Variants in SVEP1 observed in about 807,000 individuals in gnomAD.
The protein encoded by SVEP1 is sushi, von Willebrand factor type A, EGF and pentraxin domain-containing protein 1.
Under a neutral mutation model 367.3 loss-of-function variants are expected in SVEP1, and 164 were observed. The ratio of observed to expected loss-of-function variants is 0.45; its 90% CI spans 0.39 to 0.51. SVEP1 has a LOEUF of 0.51. SVEP1 is among the 20% of genes least tolerant of loss of function. SVEP1 has a pLI of 0.00. For synonymous variants in SVEP1, 1,666 were observed against 1,611.6 expected (o/e 1.03, Z -0.81); for missense variants, 4,117 against 4,425.3 (o/e 0.93, Z 1.98).
intron 5 of SVEP1, among the ~76,000 whole-genome samples, chr9:110,511,824 T>A (rs1829721336): frequency 6.6e-6 from 1 of 152,132 alleles, no homozygotes; most frequent in African/African-American, 2.4e-5. Flanking sequence ...TTCTCCCTTA[T>A]GGATATGGAT....
chr9:110,478,149 C>G (rs893882844), intron 13 of SVEP1, among the ~76,000 whole-genome samples: 2 of 152,210 alleles, frequency 1.3e-5, no homozygotes, highest in Non-Finnish European at 2.9e-5. Flanking sequence ...CTGCCTGGAA[C>G]GCTCTTCCCC....
chr9:110,455,605 G>A lies in SVEP1; in HGVS notation c.3772C>T (p.Pro1258Ser). Residue 1258 changes from proline (P) to serine (S), a missense_variant, in exon 22 of 48, where the codon CCA (proline) becomes TCA (serine). Pro to Ser is a moderately conservative substitution (Grantham distance 74). Transcript: ENST00000374469. ...DLVGEFICEC[P>S]SGYTGQRCEE... ...TTCCCCTTACCTGTGTAACCTGATG[G>A]GCACTCACAAATGAATTCCCCAACT... The A allele has an allele frequency of 6.2e-7, 1 of 1,613,114 alleles. No individual in the cohort carries two copies. The highest frequency in any genetic ancestry group is 8.5e-7 in the Non-Finnish European group (1 of 1,179,474).
At chr9:110,366,592 T>C in intron 47 of SVEP1, 32 bp from the exon 48 acceptor site, 1 of 1,511,376 alleles carries the variant, frequency 6.6e-7, no homozygotes, top group Non-Finnish European at 8.8e-7. Context: ...ACCAAATAGA[T>C]TCAAAAGAAA....
In SVEP1 at chr9:110,479,703, C is replaced by A. The variant is rs1441820428; in HGVS notation, c.2419G>T (p.Ala807Ser). ...ATCAGATCTGTGTCATCACAACGAG[C>A]TGCTTTGTAGAACATCTCAAAGGAC... is the stretch of plus-strand genomic sequence containing the variant. ...FKSFEMFYKA[A>S]RCDDTDLMKK... The change falls in exon 13 of 48, where the codon GCT becomes TCT. Residue 807 changes from alanine to serine, a missense_variant. This residue lies in a region of SVEP1 where 2,174 missense variants were observed against 2,494.3 expected (regional missense o/e 0.87). Transcript: ENST00000374469. 2 of 1,611,026 alleles carry A rather than the reference C, an allele frequency of 1.2e-6. No homozygotes were observed.
In SVEP1 at chr9:110,451,385, T is replaced by G; in HGVS notation, c.3805A>C (p.Asn1269His). The G allele has an allele frequency of 6.2e-7, 1 of 1,613,388 alleles. No homozygotes were observed. Among genetic ancestry groups the G allele is most frequent in the Non-Finnish European group, 8.5e-7 (1 of 1,179,540 alleles). ...SGYTGQRCEE[N>H]INECSSSPCL... Reference sequence around the variant, plus strand: ...GGACTGGAGCTACACTCATTTATATTTTCTTCACACCGCTGACCTGCAAAG... The same window carrying G: ...GGACTGGAGCTACACTCATTTATATGTTCTTCACACCGCTGACCTGCAAAG... Residue 1269 changes from asparagine to histidine, a missense_variant, in exon 23 of 48, where the codon AAT becomes CAT. Transcript: ENST00000374469.
At chr9:110,534,638 C>T (rs937837872) in intron 3 of SVEP1, among the ~76,000 whole-genome samples, 1 of 152,128 alleles carries the variant, frequency 6.6e-6, no homozygotes, top group Non-Finnish European at 1.5e-5. Flanking sequence ...TTTACATTTC[C>T]ACCCACAGTG....
At chr9:110,433,116 G>A (rs1828376689) in intron 30 of SVEP1, among the ~76,000 whole-genome samples, 1 of 152,164 alleles carries the variant, frequency 6.6e-6, no homozygotes, top group South Asian at 2.1e-4. Context: ...TCTGCCATGA[G>A]TAAAATCTCC....
At chr9:110,398,548 A>C (rs1827805973) in intron 40 of SVEP1, among the ~76,000 whole-genome samples, 3 of 150,454 alleles carry the variant, frequency 2.0e-5, no homozygotes, top group Admixed American at 6.7e-5. Flanking sequence ...CATTAGAGTG[A>C]ACAGGCAACC....
chr9:110,428,429 C>CACACACACA (rs60798857), intron 35 of SVEP1, among the ~76,000 whole-genome samples: 2 of 151,108 alleles, frequency 1.3e-5, no homozygotes, highest in Non-Finnish European at 3.0e-5. Flanking sequence ...CACACACACA[C>CACACACACA]CATTAATCTC....
In SVEP1 at chr9:110,407,507, A is replaced by C. The variant is rs377400709; in HGVS notation, c.8093T>G (p.Ile2698Ser). The change falls in exon 38 of 48, where the codon ATC becomes AGC. Residue 2698 changes from isoleucine to serine, a missense_variant. Ile to Ser is a moderately radical substitution (Grantham distance 142). Coordinates refer to ENST00000374469, the MANE Select transcript of SVEP1 (RefSeq NM_153366.4). ...GYELLGNPVLICQEDGTWNGS... is the reference protein window; with the variant it reads ...GYELLGNPVLSCQEDGTWNGS... ...ATTCCAAGTTCCATCTTCCTGGCAG[A>C]TCAGCACAGGGTTCCCCAGAAGTTC... 9 of 1,613,878 alleles carry C rather than the reference A, an allele frequency of 5.6e-6. No individual in the cohort carries two copies. In the Admixed American group the frequency reaches 1.3e-4, roughly 24 times the overall value.
At chr9:110,413,859 C>T (rs1489997969) in intron 36 of SVEP1, among the ~76,000 whole-genome samples, 1 of 151,932 alleles carries the variant, frequency 6.6e-6, no homozygotes, top group Non-Finnish European at 1.5e-5. Flanking sequence ...CATTTTGCTA[C>T]TAATGAAGGG....
chr9:110,504,951 G>T (rs1042759086), intron 5 of SVEP1, among the ~76,000 whole-genome samples: 6 of 152,122 alleles, frequency 3.9e-5, no homozygotes, highest in African/African-American at 1.4e-4. Flanking sequence ...AAGTGAGCAG[G>T]CACAACTTGT....
chr9:110,508,487 T>A (rs913229114), intron 5 of SVEP1, among the ~76,000 whole-genome samples: 1 of 151,590 alleles, frequency 6.6e-6, no homozygotes, highest in Non-Finnish European at 1.5e-5. Flanking sequence ...TCTGGCCGGG[T>A]GCGGTGGCTC....
chr9:110,401,068 A>G, intron 39 of SVEP1, 59 bp from the exon 40 acceptor site: 1 of 1,581,634 alleles, frequency 6.3e-7, no homozygotes, highest in Non-Finnish European at 8.6e-7. Context: ...ATGAATGAAG[A>G]AATTTGCAAA....
intron 1 of SVEP1, among the ~76,000 whole-genome samples, 192 bp from the exon 2 acceptor site, chr9:110,550,296 A>G (rs1830268115): frequency 6.6e-6 from 1 of 152,202 alleles, no homozygotes; most frequent in African/African-American, 2.4e-5. Flanking sequence ...GAGCCACAAT[A>G]AACCTCAAAA....
At chr9:110,578,376 TCCTC>T (rs1830650708) in intron 1 of SVEP1, among the ~76,000 whole-genome samples, 1 of 151,898 alleles carries the variant, frequency 6.6e-6, no homozygotes, top group Non-Finnish European at 1.5e-5. Flanking sequence ...GGTTTTTTTT[TCCTC>T]TCCCTACTTT....
intron 3 of SVEP1, among the ~76,000 whole-genome samples, chr9:110,520,245 G>A (rs1783899869): frequency 6.6e-6 from 1 of 151,970 alleles, no homozygotes; most frequent in African/African-American, 2.4e-5. Context: ...TAGTGGGAGA[G>A]GTGTAATCAA....
chr9:110,497,857 C>T (rs1829474643), intron 7 of SVEP1, among the ~76,000 whole-genome samples: 1 of 152,140 alleles, frequency 6.6e-6, no homozygotes, highest in South Asian at 2.1e-4. Flanking sequence ...TTGTGTCTCA[C>T]GTCTTCTTGT....
At chr9:110,498,817 T>C (rs750564131) in intron 7 of SVEP1, among the ~76,000 whole-genome samples, 1 of 152,156 alleles carries the variant, frequency 6.6e-6, no homozygotes, top group Admixed American at 6.6e-5. Flanking sequence ...GCTCTACTAT[T>C]TTCCTTATTT....
Sources: gnomAD v4.1 joint callset for allele counts (sites outside exome capture counted in the v4.1 genomes callset) on GRCh38, gnomAD v4.1.1 for gene constraint, gnomAD v4.1.1 regional missense constraint, MANE v1.5 for transcripts, NCBI Gene and HGNC (gene_info 2026-07-23, HGNC 2026-07-21) for gene names.